The following ARSF variants were observed in gnomAD, a reference collection of about 807,000 sequenced individuals.
The protein encoded by ARSF is arylsulfatase F.
In ARSF, 33 loss-of-function variants were observed where a neutral mutation model predicts 35.4. The observed-to-expected ratio is 0.93, with a 90% CI of 0.71 to 1.25. ARSF has a LOEUF of 1.25. Among genes scored for constraint, ARSF ranks in the 50% most tolerant of loss-of-function variants. The pLI, the probability that ARSF is intolerant of heterozygous loss-of-function variation, is 0.00. For missense variants in ARSF, 501 were observed against 480.2 expected (o/e 1.04, Z -0.40); for synonymous variants, 222 against 193.1 (o/e 1.15, Z -1.24).
chrX:3,083,400 C>G (rs1039933719), intron 5 of ARSF, among the ~76,000 whole-genome samples: 3 of 110,850 alleles, frequency 2.7e-5, no homozygotes, highest in Non-Finnish European at 3.8e-5. Context: ...ATCCATCCAT[C>G]CACCTACACA....
intron 7 of ARSF, among the ~76,000 whole-genome samples, chrX:3,091,807 T>C (rs1157991029): frequency 3.3e-5 from 2 of 59,852 alleles, no homozygotes; most frequent in African/African-American, 8.1e-5. Context: ...GATAGATGGA[T>C]AGATAGATGA....
At chrX:3,054,589 C>T (rs1173963458) in intron 1 of ARSF, among the ~76,000 whole-genome samples, 3 of 110,670 alleles carry the variant, frequency 2.7e-5, no homozygotes, top group African/African-American at 9.9e-5. Context: ...CAGGTGTGAG[C>T]CCCCGCACCT....
At position 3,075,398 on chromosome X, in the gene ARSF, G is replaced by GTC. The variant is rs779186980; in HGVS notation, c.162-1140_162-1139dup. Among the ~76,000 whole-genome samples the GTC allele has an allele frequency of 1.6e-3, 180 of 109,985 alleles. 1 individual carries two copies. The highest frequency in any genetic ancestry group is 1.3e-3 in the Non-Finnish European group (67 of 52,757). ...ATGTTGTTTATCTTCAGATCTCTCT[G>GTC]TCTCTCTCTCTGTCTCTCTCTCTCC... is the stretch of plus-strand genomic sequence containing the variant. On this transcript the variant is annotated intron_variant, in intron 3 of 10. Transcript: ENST00000381127.
At chrX:3,046,869 C>T (rs922855984) in intron 1 of ARSF, among the ~76,000 whole-genome samples, 1 of 111,273 alleles carries the variant, frequency 9.0e-6, no homozygotes, top group Non-Finnish European at 1.9e-5. Flanking sequence ...ATTTACAGGG[C>T]TGTTCAATCT....
chrX:3,108,265 T>A (rs1427398279), intron 9 of ARSF, among the ~76,000 whole-genome samples: 1 of 112,134 alleles, frequency 8.9e-6, no homozygotes, highest in Non-Finnish European at 1.9e-5. Flanking sequence ...CTTCAAAAAA[T>A]TTTAAACCAT....
rs368895328 is a variant in ARSF at position 3,067,131 on chromosome X, C to CGT, written c.-28-924_-28-923dup. On this transcript the variant is annotated intron_variant, in intron 1 of 10. Transcript: ENST00000381127. ...TTCCTTTTTCTTTCTTAACCAAGAA[C>CGT]GTGTGTGTGTGTGTGTGTGAGTGTG... Among the ~76,000 whole-genome samples, 459 of 97,927 alleles carry CGT rather than the reference C, an allele frequency of 4.7e-3. 6 individuals are homozygous for CGT. Among genetic ancestry groups the CGT allele is most frequent in the African/African-American group, 0.012 (334 of 27,563 alleles). 85.0% of individuals were successfully genotyped at this position (97,927 alleles called of 115,157 possible). A position where few individuals can be genotyped will look rare whatever the true frequency, so the allele number is the denominator to read the frequency against.
chrX:3,076,956 G>T (rs1211021128), intron 4 of ARSF, among the ~76,000 whole-genome samples: 1 of 111,575 alleles, frequency 9.0e-6, no homozygotes, highest in East Asian at 2.8e-4. Flanking sequence ...TGAAGTGGGA[G>T]GATCGCCTGA....
intron 9 of ARSF, among the ~76,000 whole-genome samples, chrX:3,106,104 T>A (rs1414849047): frequency 8.9e-6 from 1 of 112,134 alleles, no homozygotes; most frequent in Non-Finnish European, 1.9e-5. Context: ...ATGAGTTTGG[T>A]GTCCTTGATA....
chrX:3,044,877 C>T (rs1189688256), intron 1 of ARSF, among the ~76,000 whole-genome samples: 1 of 110,256 alleles, frequency 9.1e-6, no homozygotes, highest in East Asian at 2.9e-4. Context: ...GCTGCTTTCA[C>T]TAGGGCCGAG....
At chrX:3,089,371 A>G in intron 6 of ARSF, 125 bp from the exon 7 acceptor site, 1 of 804,646 alleles carries the variant, frequency 1.2e-6, no homozygotes, top group Non-Finnish European at 1.8e-6. Flanking sequence ...CCTTGGGTGG[A>G]CCCACTCTAT....
chrX:3,043,085 G>A (rs1443215294), intron 1 of ARSF, among the ~76,000 whole-genome samples: 1 of 111,069 alleles, frequency 9.0e-6, no homozygotes, highest in Non-Finnish European at 1.9e-5. Flanking sequence ...CACCCGGGAG[G>A]CAGAGGTTGC....
intron 4 of ARSF, among the ~76,000 whole-genome samples, chrX:3,077,358 G>C (rs929897415): frequency 1.2e-4 from 13 of 111,931 alleles, no homozygotes; most frequent in African/African-American, 4.2e-4. Flanking sequence ...CAAAGTCATG[G>C]CCGGGCATGG....
chrX:3,054,017 C>T (rs1423923289), intron 1 of ARSF, among the ~76,000 whole-genome samples: 1 of 110,807 alleles, frequency 9.0e-6, no homozygotes, highest in African/African-American at 3.3e-5. Flanking sequence ...CTGCCTCGGC[C>T]TTCCAAAGTG....
intron 1 of ARSF, among the ~76,000 whole-genome samples, chrX:3,049,236 TAACTC>T (rs2089987076): frequency 9.2e-6 from 1 of 108,541 alleles, no homozygotes; most frequent in East Asian, 2.9e-4. Context: ...AAAGGTGAGA[TAACTC>T]AAAGTGGGGG....
intron 9 of ARSF, 90 bp from the exon 10 acceptor site, chrX:3,110,038 C>G (rs949300315): frequency 4.1e-5 from 39 of 948,629 alleles, no homozygotes; most frequent in Non-Finnish European, 5.3e-5. Flanking sequence ...TGAGGCATGA[C>G]GCAGTCTTCA....
chrX:3,067,852 G>A (rs752530600), intron 1 of ARSF, among the ~76,000 whole-genome samples: 65 of 102,067 alleles, frequency 6.4e-4, no homozygotes, highest in African/African-American at 2.2e-3. Flanking sequence ...GCGAGACTCC[G>A]GCTCAAAAAA....
intron 9 of ARSF, among the ~76,000 whole-genome samples, chrX:3,107,919 AT>A (rs1387780092): frequency 1.8e-5 from 2 of 111,545 alleles, no homozygotes; most frequent in African/African-American, 6.5e-5. Flanking sequence ...ATTTTCTCCT[AT>A]GTTTTCACTT....
intron 7 of ARSF, among the ~76,000 whole-genome samples, chrX:3,098,047 A>AACACAAACACAC (rs1555923082): frequency 2.5e-4 from 22 of 88,074 alleles, no homozygotes; most frequent in African/African-American, 9.5e-4. Context: ...ATACACACAC[A>AACACAAACACAC]ACACACACAC....
chrX:3,058,678 C>T, intron 1 of ARSF: 1 of 306,127 alleles, frequency 3.3e-6, no homozygotes, highest in South Asian at 3.0e-5. Context: ...TATAGGGAGA[C>T]CTTGTCTCTA....
Sources: allele counts gnomAD v4.1 joint callset (sites outside exome capture counted in the v4.1 genomes callset), GRCh38; gene constraint gnomAD v4.1.1; transcripts MANE v1.5; gene names NCBI Gene and HGNC (gene_info 2026-07-23, HGNC 2026-07-21).